Variants in WDR41 observed in about 807,000 individuals in gnomAD.
The protein encoded by WDR41 is WD repeat-containing protein 41.
Under a neutral mutation model 69.3 loss-of-function variants are expected in WDR41, and 63 were observed. The observed-to-expected ratio is 0.91, with a 90% CI of 0.74 to 1.12. WDR41 has a LOEUF of 1.12. Ranked by LOEUF, WDR41 falls within the 50% of genes most tolerant of loss-of-function variation. The pLI, the probability that WDR41 is intolerant of heterozygous loss-of-function variation, is 0.00. For missense variants in WDR41, 543 were observed against 534.5 expected (o/e 1.02, Z -0.16); for synonymous variants, 185 against 192.1 (o/e 0.96, Z 0.31).
intron 2 of WDR41, among the ~76,000 whole-genome samples, chr5:77,475,002 G>C (rs562018532): frequency 6.6e-6 from 1 of 152,324 alleles, no homozygotes; most frequent in Admixed American, 6.5e-5. Flanking sequence ...TGCCTCACTC[G>C]GGAAGCTCAA....
At chr5:77,614,591 A>T (rs1580054510) in intron 1 of WDR41, among the ~76,000 whole-genome samples, 2 of 146,170 alleles carry the variant, frequency 1.4e-5, no homozygotes, top group African/African-American at 5.1e-5. Context: ...GTGGGAATTG[A>T]ACAATGAGAA....
intron 2 of WDR41, among the ~76,000 whole-genome samples, chr5:77,481,948 A>C (rs953507644): frequency 1.3e-5 from 2 of 152,232 alleles, no homozygotes; most frequent in Admixed American, 1.3e-4. Context: ...TCCACTGAAC[A>C]CTCAGAACAC....
intron 1 of WDR41, among the ~76,000 whole-genome samples, chr5:77,598,899 G>A (rs763438355): frequency 2.0e-5 from 3 of 152,098 alleles, no homozygotes; most frequent in Non-Finnish European, 4.4e-5. Flanking sequence ...GAAGCCATAA[G>A]TCAAGATTCT....
At chr5:77,490,066 C>G (rs1371133368) in intron 1 of WDR41, among the ~76,000 whole-genome samples, 34 of 152,106 alleles carry the variant, frequency 2.2e-4, no homozygotes, top group Admixed American at 2.2e-3. Context: ...CTCTGGATTT[C>G]TCAAACTTGA....
chr5:77,441,636 G>A (rs1161274565), intron 8 of WDR41, among the ~76,000 whole-genome samples: 1 of 152,104 alleles, frequency 6.6e-6, no homozygotes, highest in Non-Finnish European at 1.5e-5. Context: ...TACTTGGGAG[G>A]TTGAGACAGG....
intron 4 of WDR41, among the ~76,000 whole-genome samples, chr5:77,460,904 A>ACC (rs1800024473): frequency 6.6e-6 from 1 of 152,120 alleles, no homozygotes; most frequent in African/African-American, 2.4e-5. Flanking sequence ...TGTAGTAAAA[A>ACC]CCCAAGCAGA....
intron 1 of WDR41, among the ~76,000 whole-genome samples, chr5:77,490,332 A>T (rs1339107815): frequency 6.6e-6 from 1 of 152,168 alleles, no homozygotes; most frequent in Non-Finnish European, 1.5e-5. Flanking sequence ...CCTGGTCTAT[A>T]CACATTAGAT....
At chr5:77,536,284 G>A (rs1023899665) in intron 1 of WDR41, among the ~76,000 whole-genome samples, 3 of 151,862 alleles carry the variant, frequency 2.0e-5, no homozygotes, top group Admixed American at 6.6e-5. Context: ...AGGTGCCGGG[G>A]ACCTATATCC....
chr5:77,576,244 C>G (rs1743829565), intron 1 of WDR41, among the ~76,000 whole-genome samples: 1 of 152,120 alleles, frequency 6.6e-6, no homozygotes, highest in African/African-American at 2.4e-5. Flanking sequence ...TTTTCTGCTT[C>G]TCCTTCTGGT....
chr5:77,460,515 T>A (rs1280201376), intron 4 of WDR41, among the ~76,000 whole-genome samples: 1 of 152,302 alleles, frequency 6.6e-6, no homozygotes, highest in East Asian at 1.9e-4. Context: ...TAAAAAATTA[T>A]CTACCTTCAG....
At chr5:77,610,723 A>G (rs1471180909) in intron 1 of WDR41, among the ~76,000 whole-genome samples, 1 of 152,206 alleles carries the variant, frequency 6.6e-6, no homozygotes, top group African/African-American at 2.4e-5. Context: ...AAAGACCATC[A>G]AGACTAGGAA....
intron 2 of WDR41, among the ~76,000 whole-genome samples, chr5:77,472,953 G>A (rs188376846): frequency 2.4e-4 from 37 of 152,182 alleles, no homozygotes; most frequent in Admixed American, 9.8e-4. Context: ...AAAACAGCCC[G>A]CATTGCCAAG....
At chr5:77,563,310 C>T (rs1413743742) in intron 1 of WDR41, among the ~76,000 whole-genome samples, 1 of 152,092 alleles carries the variant, frequency 6.6e-6, no homozygotes, top group Non-Finnish European at 1.5e-5. Context: ...TGATTTCTCT[C>T]TGAATCTGCC....
chr5:77,447,400 C>G (rs1461546390), intron 8 of WDR41, among the ~76,000 whole-genome samples: 2 of 152,160 alleles, frequency 1.3e-5, no homozygotes, highest in Non-Finnish European at 2.9e-5. Flanking sequence ...TTTGACCCAG[C>G]AATCCCATTA....
chr5:77,463,492 A>G (rs911965503), intron 3 of WDR41, among the ~76,000 whole-genome samples: 1 of 152,176 alleles, frequency 6.6e-6, no homozygotes, highest in Non-Finnish European at 1.5e-5. Context: ...ATAAATTTAA[A>G]AATATAATTG....
chr5:77,498,077 C>T (rs1801960862), intron 1 of WDR41, among the ~76,000 whole-genome samples: 1 of 151,878 alleles, frequency 6.6e-6, no homozygotes, highest in Admixed American at 6.6e-5. Context: ...ACAGAGGTTA[C>T]CAGGGATGGG....
chr5:77,604,350 A>G (rs912935092), intron 1 of WDR41, among the ~76,000 whole-genome samples: 15 of 152,118 alleles, frequency 9.9e-5, no homozygotes, highest in Admixed American at 8.5e-4. Flanking sequence ...TGTAAATGGA[A>G]TTGCCTTCTT....
At chr5:77,546,290 GT>G (rs1322691743) in intron 1 of WDR41, 1 of 300,572 alleles carries the variant, frequency 3.3e-6, no homozygotes, top group African/African-American at 2.2e-5. Flanking sequence ...GAAAAATAAA[GT>G]GAATGAAGCT....
intron 1 of WDR41, among the ~76,000 whole-genome samples, chr5:77,522,176 G>A (rs965134093): frequency 9.2e-5 from 14 of 152,292 alleles, no homozygotes; most frequent in South Asian, 4.1e-4. Flanking sequence ...TGAGGACGCC[G>A]TCCAGGCAGA....
Sources: gnomAD v4.1 joint callset for allele counts (sites outside exome capture counted in the v4.1 genomes callset) on GRCh38, gnomAD v4.1.1 for gene constraint, MANE v1.5 for transcripts, NCBI Gene and HGNC (gene_info 2026-07-23, HGNC 2026-07-21) for gene names.